CALHM2: variants seen among roughly 807,000 people sequenced by gnomAD.
The protein encoded by CALHM2 is calcium homeostasis modulator protein 2.
CALHM2 carries 18 observed loss-of-function variants against 20.4 expected under a neutral mutation model. That is an observed-to-expected ratio of 0.88 (90% CI 0.61 to 1.31). CALHM2 has a LOEUF of 1.31. Ranked by LOEUF, CALHM2 falls within the 50% of genes most tolerant of loss-of-function variation. CALHM2 has a pLI of 0.00. For synonymous variants in CALHM2, 193 were observed against 192.1 expected (o/e 1.00, Z -0.04); for missense variants, 411 against 435.7 (o/e 0.94, Z 0.50).
intron 3 of CALHM2, among the ~76,000 whole-genome samples, chr10:103,448,691 A>C (rs1274816257): frequency 2.0e-5 from 3 of 151,774 alleles, no homozygotes; most frequent in Non-Finnish European, 4.4e-5. Context: ...ACTGCACTCC[A>C]ACCTGGCAAG....
At position 103,446,794 on chromosome 10, in the gene CALHM2, G is replaced by A. The variant is rs140359433; in HGVS notation, c.*358C>T. 1.3e-4 allele frequency: 23 copies of A among 173,070 alleles called. No homozygotes were observed. Among genetic ancestry groups the A allele is most frequent in the Non-Finnish European group, 1.3e-4 (11 of 82,272 alleles). The allele number at this position is 173,070 out of a possible 1,614,324, so 10.7% of individuals were successfully genotyped here. On this transcript the variant is annotated 3_prime_UTR_variant, in exon 4 of 4. Coordinates refer to ENST00000260743, the MANE Select transcript of CALHM2 (RefSeq NM_015916.5). ...CACAGACACCAGGCTAGTCCTTTTA[G>A]TAAGAAAAACTTTATCAAAAATTTA... is the stretch of plus-strand genomic sequence containing the variant.
rs752194170 is a variant in CALHM2 at position 103,449,766 on chromosome 10, G to A, written c.176C>T (p.Ala59Val). Residue 59 changes from alanine to valine, a missense_variant, in exon 3 of 4, where the codon GCG becomes GTG. Transcript: ENST00000260743. ...SPARNYLYGL[A>V]AIGVPALVLF... ...CACCAGGGCGGGCACGCCGATGGCC[G>A]CCAGCCCGTACAGGTAGTTCCGGGC... is the stretch of plus-strand genomic sequence containing the variant. 8.1e-6 allele frequency: 13 copies of A among 1,613,342 alleles called. No homozygotes were observed. Among genetic ancestry groups the A allele is most frequent in the South Asian group, 1.1e-5 (1 of 91,086 alleles).
chr10:103,447,686 G>A (rs2032729017), intron 3 of CALHM2, 118 bp from the exon 4 acceptor site: 4 of 851,360 alleles, frequency 4.7e-6, no homozygotes, highest in Non-Finnish European at 5.2e-6. Flanking sequence ...CCTTGTGGCT[G>A]TGATTCCATC....
rs1041375090 is a variant in CALHM2, at chr10:103,446,990, C to G, written c.*162G>C. The G allele has an allele frequency of 1.4e-6, 1 of 703,356 alleles. No individual in the cohort carries two copies. The allele number at this position is 703,356 out of a possible 1,614,324, so 43.6% of individuals were successfully genotyped here. Reference sequence around the variant, plus strand: ...CCCTGCTGGCTGGGGCTTCCATTGTCTACTGGGTCTGTCCACACCCCAGAT... The same window carrying G: ...CCCTGCTGGCTGGGGCTTCCATTGTGTACTGGGTCTGTCCACACCCCAGAT... On this transcript the variant is annotated 3_prime_UTR_variant, in exon 4 of 4. Transcript: ENST00000260743.
At chr10:103,449,236 C>T (rs1437182544) in intron 3 of CALHM2, 151 bp downstream of exon 3, 2 of 735,684 alleles carry the variant, frequency 2.7e-6, no homozygotes, top group African/African-American at 1.7e-5. Context: ...CCCCACCATG[C>T]ACCAGTTAAC....
Position 103,449,856 on chromosome 10 carries a change from G to A in CALHM2, c.86C>T (p.Ala29Val). 1 of 1,613,334 alleles carries A rather than the reference G, an allele frequency of 6.2e-7. No homozygotes were observed. Among genetic ancestry groups the A allele is most frequent in the South Asian group, 1.1e-5 (1 of 91,072 alleles). Residue 29 changes from alanine to valine, a missense_variant, in exon 3 of 4, where the codon GCA becomes GTA. Coordinates refer to ENST00000260743, the MANE Select transcript of CALHM2 (RefSeq NM_015916.5). ...CTCCTGGCTGCCCACCGTGCCCAGT[G>A]CCACCAGGCCGTTGAAAATCATCAC... ...KDVMIFNGLVALGTVGSQELF... is the reference protein window; with the variant it reads ...KDVMIFNGLVVLGTVGSQELF...
At position 103,447,194 on chromosome 10, in the gene CALHM2, G is replaced by A. The variant is rs781567608; in HGVS notation, c.930C>T (p.Gly310=). 17 of 1,613,694 alleles carry A rather than the reference G, an allele frequency of 1.1e-5. No homozygotes were observed. The African/African-American group carries it at 1.2e-4, about 11-fold the overall frequency. Residue 310 remains glycine, a synonymous_variant, in exon 4 of 4, where the codon GGC becomes GGT. Coordinates refer to ENST00000260743, the MANE Select transcript of CALHM2 (RefSeq NM_015916.5). ...HKWAQGLAGN[G]AAPDNVEMAL... ...CCATCTCCACGTTGTCAGGGGCCGC[G>A]CCGTTGCCTGCCAGACCCTGGGCCC...
chr10:103,448,062 A>G (rs971165142), intron 3 of CALHM2, among the ~76,000 whole-genome samples: 12 of 152,228 alleles, frequency 7.9e-5, no homozygotes, highest in African/African-American at 2.9e-4. Context: ...AGCATCAAAT[A>G]AGTATCATTT....
intron 3 of CALHM2, among the ~76,000 whole-genome samples, chr10:103,448,127 G>T (rs1162691086): frequency 6.6e-6 from 1 of 151,666 alleles, no homozygotes; most frequent in African/African-American, 2.4e-5. Context: ...CTCTCTTTAC[G>T]TTTCTTTTTC....
intron 3 of CALHM2, 110 bp downstream of exon 3, chr10:103,449,277 C>G (rs757491883): frequency 1.1e-6 from 1 of 948,344 alleles, no homozygotes; most frequent in Non-Finnish European, 1.7e-6. Flanking sequence ...AGTGCTTTCC[C>G]ACAGACCTCA....
At position 103,449,423 on chromosome 10, in the gene CALHM2, C is replaced by T; in HGVS notation, c.519G>A (p.Arg173=). ...ACCTGAGCCTGCGGCTGACCTCCTCCCGGAAGTCTGACAGGTTGTCAGGGT... is the reference window on the plus strand; with the variant it reads ...ACCTGAGCCTGCGGCTGACCTCCTCTCGGAAGTCTGACAGGTTGTCAGGGT... ...KENPDNLSDF[R]EEVSRRLRYE... is the part of the protein sequence containing the mutation. Residue 173 remains arginine, a synonymous_variant, in exon 3 of 4, where the codon CGG becomes CGA. Coordinates refer to ENST00000260743, the MANE Select transcript of CALHM2 (RefSeq NM_015916.5). The T allele has an allele frequency of 2.5e-6, 4 of 1,613,130 alleles. No homozygotes were observed. Among genetic ancestry groups the T allele is most frequent in the Non-Finnish European group, 3.4e-6 (4 of 1,180,032 alleles).
Position 103,446,874 on chromosome 10 carries a change from T to C in CALHM2, c.*278A>G. 5.5e-6 allele frequency: 2 copies of C among 364,498 alleles called. No homozygotes were observed. Among genetic ancestry groups the C allele is most frequent in the Non-Finnish European group, 9.8e-6 (2 of 204,892 alleles). The allele number at this position is 364,498 out of a possible 1,614,324, so 22.6% of individuals were successfully genotyped here. Reference sequence around the variant, plus strand: ...TGGAGGCCACTTCCCAGTGGTGCACTGCTGCGCTGGGTGTCCCTATGCAGC... The same window carrying C: ...TGGAGGCCACTTCCCAGTGGTGCACCGCTGCGCTGGGTGTCCCTATGCAGC... On this transcript the variant is annotated 3_prime_UTR_variant, in exon 4 of 4. Coordinates refer to ENST00000260743, the MANE Select transcript of CALHM2 (RefSeq NM_015916.5).
Position 103,449,445 on chromosome 10 carries a change from G to C in CALHM2, c.497C>G (p.Pro166Arg), listed in dbSNP as rs563277335. The change falls in exon 3 of 4, where the codon CCT becomes CGT. Residue 166 changes from proline to arginine, a missense_variant. Pro to Arg is a moderately radical substitution (Grantham distance 103). Coordinates refer to ENST00000260743, the MANE Select transcript of CALHM2 (RefSeq NM_015916.5). ...ILARFPCKENPDNLSDFREEV... is the reference protein window; with the variant it reads ...ILARFPCKENRDNLSDFREEV... Reference sequence around the variant, plus strand: ...CTCCCGGAAGTCTGACAGGTTGTCAGGGTTCTCCTTGCAGGGGAACCTGGC... The same window carrying C: ...CTCCCGGAAGTCTGACAGGTTGTCACGGTTCTCCTTGCAGGGGAACCTGGC... 27 of 1,613,168 alleles carry C rather than the reference G, an allele frequency of 1.7e-5. No homozygotes were observed. Among genetic ancestry groups the C allele is most frequent in the Admixed American group, 5.0e-5 (3 of 60,006 alleles).
chr10:103,447,613 T>G, intron 3 of CALHM2, 45 bp from the exon 4 acceptor site: 1 of 1,483,906 alleles, frequency 6.7e-7, no homozygotes, highest in Non-Finnish European at 9.0e-7. Flanking sequence ...AGGAACTGCC[T>G]AAGCCCTACC....
intron 3 of CALHM2, 91 bp from the exon 4 acceptor site, chr10:103,447,659 G>T (rs1243219130): frequency 3.5e-6 from 4 of 1,129,862 alleles, no homozygotes; most frequent in Non-Finnish European, 4.9e-6. Context: ...AGTTCTGCTT[G>T]GGTAAGAGAA....
rs1274157626 is a variant in CALHM2 at position 103,447,034 on chromosome 10, C to G, written c.*118G>C. 3.5e-6 allele frequency: 4 copies of G among 1,146,668 alleles called. No individual in the cohort carries two copies. Among genetic ancestry groups the G allele is most frequent in the Non-Finnish European group, 4.9e-6 (4 of 822,550 alleles). The allele number at this position is 1,146,668 out of a possible 1,614,324, so 71.0% of individuals were successfully genotyped here. ...CCCAGATTGCCTTGTGGTCCTTTCC[C>G]CTGGCCAAGAAGATAACAGTTTTTT... On this transcript the variant is annotated 3_prime_UTR_variant, in exon 4 of 4. Coordinates refer to ENST00000260743, the MANE Select transcript of CALHM2 (RefSeq NM_015916.5).
chr10:103,448,867 C>G (rs2032809401), intron 3 of CALHM2, among the ~76,000 whole-genome samples: 1 of 152,242 alleles, frequency 6.6e-6, no homozygotes, highest in Non-Finnish European at 1.5e-5. Context: ...CCAACCTCCT[C>G]TCCTTCAGAG....
chr10:103,451,682 A>AGGAG (rs2133812718), intron 1 of CALHM2: 2 of 154,436 alleles, frequency 1.3e-5, no homozygotes, highest in Non-Finnish European at 2.9e-5. Context: ...GAGGAGTCTG[A>AGGAG]TTCTTCCCCC....
In CALHM2 at chr10:103,447,533, G is replaced by A. The variant is rs758519671; in HGVS notation, c.591C>T (p.Ile197=). ...TGAGGCACTTGGTCAGGAACACCAG[G>A]ATGGCCACCACGCCGATGAGCAGCC... ...FGWLLIGVVA[I]LVFLTKCLKH... Residue 197 remains isoleucine, a synonymous_variant, in exon 4 of 4, where the codon ATC becomes ATT. Transcript: ENST00000260743. The A allele has an allele frequency of 1.9e-6, 3 of 1,606,958 alleles. No homozygotes were observed. Among genetic ancestry groups the A allele is most frequent in the South Asian group, 2.2e-5 (2 of 90,524 alleles).
Sources: gnomAD v4.1 joint callset for allele counts (sites outside exome capture counted in the v4.1 genomes callset) on GRCh38, gnomAD v4.1.1 for gene constraint, MANE v1.5 for transcripts, NCBI Gene and HGNC (gene_info 2026-07-23, HGNC 2026-07-21) for gene names.